Variants in CREBRF observed in about 807,000 individuals in gnomAD.
CREBRF encodes CREB3 regulatory factor, also known as UPF0474 protein C5orf41.
CREBRF carries 5 observed loss-of-function variants against 66.1 expected under a neutral mutation model. That is an observed-to-expected ratio of 0.08 (90% confidence interval 0.04 to 0.16). The LOEUF is 0.16. Among genes scored for constraint, CREBRF ranks in the 10% least tolerant of loss-of-function variants. The pLI, the probability that CREBRF is intolerant of heterozygous loss-of-function variation, is 1.00. For missense variants in CREBRF, 531 were observed against 744.9 expected (o/e 0.71, Z 3.34); for synonymous variants, 229 against 264.4 (o/e 0.87, Z 1.30).
intron 1 of CREBRF, among the ~76,000 whole-genome samples, chr5:173,069,194 T>C (rs1348529096): frequency 1.3e-5 from 2 of 152,158 alleles, no homozygotes; most frequent in African/African-American, 4.8e-5. Flanking sequence ...CCACCATTTA[T>C]TGAGTGTCTG....
chr5:173,094,729 T>C (rs1375620998), intron 4 of CREBRF, among the ~76,000 whole-genome samples: 1 of 152,214 alleles, frequency 6.6e-6, no homozygotes, highest in African/African-American at 2.4e-5. Context: ...ATTTCATAGG[T>C]AGTCCCTTCA....
intron 7 of CREBRF, among the ~76,000 whole-genome samples, chr5:173,115,765 C>A (rs1311633651): frequency 6.6e-6 from 1 of 152,136 alleles, no homozygotes; most frequent in Non-Finnish European, 1.5e-5. Flanking sequence ...CCACCACGCC[C>A]GGCTAATTTT....
At position 173,106,284 on chromosome 5, in the gene CREBRF, G is replaced by A. The variant is rs551546041; in HGVS notation, c.1223-2340G>A. 3.3e-5 allele frequency among the ~76,000 whole-genome samples: 5 copies of A among 152,060 alleles called. No homozygotes were observed. The East Asian group carries it at 9.8e-4, about 30-fold the overall frequency. On this transcript the variant is annotated intron_variant, in intron 4 of 8. Coordinates refer to ENST00000296953, the MANE Select transcript of CREBRF (RefSeq NM_153607.3). ...CTCTACTAAAAAATAGAAAAAATTA[G>A]CCAGGCGTGGTGGTGGGCGCCTGTA...
rs548357365 is a variant in CREBRF, at chr5:173,080,685, G to A, written c.-91G>A. On this transcript the variant is annotated 5_prime_UTR_variant, in exon 2 of 9. Coordinates refer to ENST00000296953, the MANE Select transcript of CREBRF (RefSeq NM_153607.3). ...GCTGTTTATTGTGGAAATCATCTTCGATCTTGGAATTGAAAGTAAAGCTGG... is the reference window on the plus strand; with the variant it reads ...GCTGTTTATTGTGGAAATCATCTTCAATCTTGGAATTGAAAGTAAAGCTGG... 22 of 1,319,822 alleles carry A rather than the reference G, an allele frequency of 1.7e-5. No individual in the cohort carries two copies. Among genetic ancestry groups the A allele is most frequent in the East Asian group, 1.4e-4 (6 of 43,256 alleles). The allele number at this position is 1,319,822 out of a possible 1,614,324, so 81.8% of individuals were successfully genotyped here.
At chr5:173,100,474 G>T (rs982797135) in intron 4 of CREBRF, among the ~76,000 whole-genome samples, 1 of 151,512 alleles carries the variant, frequency 6.6e-6, no homozygotes, top group Admixed American at 6.6e-5. Flanking sequence ...GCCCAGGCTG[G>T]AGTGCAGTGG....
chr5:173,112,384 ACC>A lies in CREBRF; in HGVS notation c.1681+6_1681+7del. On this transcript the variant is annotated splice_donor_region_variant and intron_variant, in intron 7 of 8. Transcript: ENST00000296953. ...GGGGCCTCAACACAGAATATGGTAA[ACC>A]TAAAGTTTTAAGAAGTTGATTAACC... 6.4e-7 allele frequency: 1 copy of A among 1,564,660 alleles called. No individual in the cohort carries two copies. The highest frequency in any genetic ancestry group is 2.3e-5 in the East Asian group (1 of 43,148).
intron 8 of CREBRF, chr5:173,123,911 C>T (rs771078103): frequency 6.6e-6 from 1 of 152,182 alleles, no homozygotes; most frequent in Non-Finnish European, 1.5e-5. Flanking sequence ...TCACTTACCT[C>T]CTGCTTCCAT....
At chr5:173,109,621 AAATT>A (rs1210101658) in intron 5 of CREBRF, 1 of 152,220 alleles carries the variant, frequency 6.6e-6, no homozygotes, top group Non-Finnish European at 1.5e-5. Flanking sequence ...TGAATAAAAA[AAATT>A]AATACAAAGT....
chr5:173,070,345 C>T (rs1757562420), intron 1 of CREBRF, among the ~76,000 whole-genome samples: 1 of 152,138 alleles, frequency 6.6e-6, no homozygotes, highest in South Asian at 2.1e-4. Context: ...ATGCCGCTGC[C>T]ATTAATTGTA....
chr5:173,098,750 C>T lies in CREBRF; in HGVS notation c.1222+7349C>T, dbSNP rs1400838078. Among the ~76,000 whole-genome samples the T allele has an allele frequency of 2.0e-5, 3 of 151,868 alleles. No individual in the cohort carries two copies. In the East Asian group the frequency reaches 5.8e-4, roughly 29 times the overall value. On this transcript the variant is annotated intron_variant, in intron 4 of 8. Coordinates refer to ENST00000296953, the MANE Select transcript of CREBRF (RefSeq NM_153607.3). ...CCTTTAGTTCTATTAATATTTGGTTCATTTACTTAGGTGCTTTGATATTGG... is the reference window on the plus strand; with the variant it reads ...CCTTTAGTTCTATTAATATTTGGTTTATTTACTTAGGTGCTTTGATATTGG...
In CREBRF at chr5:173,091,002, G is replaced by C. The variant is rs1410260237; in HGVS notation, c.823G>C (p.Glu275Gln). 1 of 1,613,988 alleles carries C rather than the reference G, an allele frequency of 6.2e-7. No individual in the cohort carries two copies. The highest frequency in any genetic ancestry group is 1.3e-5 in the African/African-American group (1 of 74,912). ...CYCGAVAKRQ[E>Q]KKGMEPLQGH... ...CTGTGGTGCAGTGGCAAAGAGACAA[G>C]AGAAAAAAGGGATGGAGCCTCTTCA... The change falls in exon 4 of 9, where the codon GAG becomes CAG. Residue 275 changes from glutamate to glutamine, a missense_variant. By Grantham distance (29) the Glu-to-Gln change is conservative. Coordinates refer to ENST00000296953, the MANE Select transcript of CREBRF (RefSeq NM_153607.3).
At chr5:173,072,198 C>T (rs2113682955) in intron 1 of CREBRF, among the ~76,000 whole-genome samples, 1 of 152,136 alleles carries the variant, frequency 6.6e-6, no homozygotes, top group Admixed American at 6.5e-5. Flanking sequence ...GTCTTGAACT[C>T]CTGAGCTCAA....
chr5:173,108,911 C>T lies in CREBRF; in HGVS notation c.1417+93C>T. On this transcript the variant is annotated intron_variant, in intron 5 of 8. Transcript: ENST00000296953. ...TTACTCCGTGTACCTAGGCATTCAGCCCTTCCTAGCAAACTGGAGATGGGG... is the reference window on the plus strand; with the variant it reads ...TTACTCCGTGTACCTAGGCATTCAGTCCTTCCTAGCAAACTGGAGATGGGG... The T allele has an allele frequency of 5.3e-6, 6 of 1,139,294 alleles. No individual in the cohort carries two copies. The South Asian group carries it at 7.6e-5, about 14-fold the overall frequency. The allele number at this position is 1,139,294 out of a possible 1,614,324, so 70.6% of individuals were successfully genotyped here.
chr5:173,093,989 T>C (rs928172861), intron 4 of CREBRF, among the ~76,000 whole-genome samples: 2 of 152,184 alleles, frequency 1.3e-5, no homozygotes, highest in African/African-American at 4.8e-5. Flanking sequence ...TGACTTTTTT[T>C]CTAAGATTTC....
At chr5:173,066,196 C>T (rs78997816) in intron 1 of CREBRF, among the ~76,000 whole-genome samples, 2,984 of 152,262 alleles carry the variant, frequency 0.02, 103 homozygotes, top group African/African-American at 0.067. Flanking sequence ...AGCTGATTCC[C>T]TCTTGGGAAA....
chr5:173,128,789 A>G (rs1759334323), intron 8 of CREBRF, among the ~76,000 whole-genome samples: 1 of 150,864 alleles, frequency 6.6e-6, no homozygotes, highest in East Asian at 1.9e-4. Context: ...TATTTTATTT[A>G]TTTATTTTTG....
intron 4 of CREBRF, among the ~76,000 whole-genome samples, chr5:173,103,710 C>T (rs1395162952): frequency 2.6e-5 from 4 of 152,202 alleles, no homozygotes; most frequent in African/African-American, 9.7e-5. Context: ...TTTCTGTGGA[C>T]AGGCTACAAC....
chr5:173,128,793 A>C (rs1759334388), intron 8 of CREBRF, among the ~76,000 whole-genome samples: 1 of 151,154 alleles, frequency 6.6e-6, no homozygotes, highest in African/African-American at 2.4e-5. Flanking sequence ...TTATTTATTT[A>C]TTTTTGAGAC....
intron 7 of CREBRF, among the ~76,000 whole-genome samples, chr5:173,120,907 G>T (rs959938176): frequency 1.3e-5 from 2 of 151,806 alleles, no homozygotes; most frequent in Non-Finnish European, 2.9e-5. Context: ...TGGCTAGGCT[G>T]GTCTTGAACT....
Sources: allele counts gnomAD v4.1 joint callset (sites outside exome capture counted in the v4.1 genomes callset), GRCh38; gene constraint gnomAD v4.1.1; transcripts MANE v1.5; gene names NCBI Gene and HGNC (gene_info 2026-07-23, HGNC 2026-07-21).